Variants in KAT2A observed in about 807,000 individuals in gnomAD.
The protein encoded by KAT2A is histone acetyltransferase KAT2A.
In KAT2A, 42 loss-of-function variants were observed where a neutral mutation model predicts 95.2. The observed-to-expected ratio is 0.44, with a 90% CI of 0.34 to 0.57. The LOEUF (loss-of-function observed/expected upper bound fraction) is 0.57. Among genes scored for constraint, KAT2A ranks in the 20% least tolerant of loss-of-function variants. The pLI, the probability that KAT2A is intolerant of heterozygous loss-of-function variation, is 0.01. For missense variants in KAT2A, 784 were observed against 1,126.3 expected (o/e 0.70, Z 4.35); for synonymous variants, 449 against 448.2 (o/e 1.00, Z -0.02).
chr17:42,121,096 GC>G lies in KAT2A; in HGVS notation c.208del (p.Ala70ProfsTer12), dbSNP rs782561411. The G allele has an allele frequency of 3.9e-6, 6 of 1,537,842 alleles. No homozygotes were observed. The highest frequency in any genetic ancestry group is 3.5e-6 in the Non-Finnish European group (4 of 1,143,248). Reference protein sequence around the residue: ...TGGPGVGSGGAGSGGDPARPG... With the variant: ...TGGPGVGSGGXGSGGDPARPG... ...TCGAGCCGGATCCCCCCCGCTCCCGGCCCCCCCACTTCCTACCCCGGGCCCC... is the reference window on the plus strand; with the variant it reads ...TCGAGCCGGATCCCCCCCGCTCCCGGCCCCCCACTTCCTACCCCGGGCCCC... On this transcript the variant is annotated frameshift_variant, in exon 1 of 18. Transcript: ENST00000225916. LOFTEE classifies it high-confidence loss of function.
At position 42,114,054 on chromosome 17, in the gene KAT2A, G is replaced by C; in HGVS notation, c.2266C>G (p.Pro756Ala). The C allele has an allele frequency of 6.5e-7, 1 of 1,528,006 alleles. No individual in the cohort carries two copies. 94.7% of individuals were successfully genotyped at this position (1,528,006 alleles called of 1,614,324 possible). A position where few individuals can be genotyped will look rare whatever the true frequency, so the allele number is the denominator to read the frequency against. ...TCAGGGGCCTCCGACTTCTTCACAG[G>C]CTCCATGAAGGGCCAGGCACTGGGG... ...SHPSAWPFME[P>A]VKKSEAPDYY... is the part of the protein sequence containing the mutation. The change falls in exon 17 of 18, where the codon CCT (proline) becomes GCT (alanine). Residue 756 changes from proline (P) to alanine (A), a missense_variant. This residue lies in a region of KAT2A where 195 missense variants were observed against 247.1 expected (regional missense o/e 0.79). Transcript: ENST00000225916. The surrounding 1 kb of genome is among the most constrained non-coding windows in gnomAD (Gnocchi z 6.0).
Position 42,121,157 on chromosome 17 carries a change from G to A in KAT2A, c.148C>T (p.Pro50Ser). 1 of 1,457,864 alleles carries A rather than the reference G, an allele frequency of 6.9e-7. No individual in the cohort carries two copies. Among genetic ancestry groups the A allele is most frequent in the Non-Finnish European group, 9.1e-7 (1 of 1,097,436 alleles). The allele number at this position is 1,457,864 out of a possible 1,614,324, so 90.3% of individuals were successfully genotyped here. ...GTGCTGCCGGCTGGGGCTGCAGCTG[G>A]GGCAGGGGCTGGTGCCGGGGTGGGA... ...PTPTPAPAPAPAAAPAGSTGT... is the reference protein window; with the variant it reads ...PTPTPAPAPASAAAPAGSTGT... Residue 50 changes from proline (P) to serine (S), a missense_variant, in exon 1 of 18, where the codon CCA becomes TCA. This residue lies in a region of KAT2A where 142 missense variants were observed against 123.2 expected (regional missense o/e 1.15). Coordinates refer to ENST00000225916, the MANE Select transcript of KAT2A (RefSeq NM_021078.3).
In KAT2A at chr17:42,119,503, A is replaced by G. The variant is rs782600378; in HGVS notation, c.881+34T>C. On this transcript the variant is annotated intron_variant, in intron 5 of 17. Transcript: ENST00000225916. This position sits in a 1 kb window ranked among gnomAD's most constrained non-coding sequence, Gnocchi z 5.3. ...CCACTGAACCCAGGCTGGGCCTGCA[A>G]GCCTCCCCCGAAGCTGCCCCTGGCT... 1 of 1,580,516 alleles carries G rather than the reference A, an allele frequency of 6.3e-7. No homozygotes were observed. Among genetic ancestry groups the G allele is most frequent in the South Asian group, 1.2e-5 (1 of 86,558 alleles).
chr17:42,116,697 G>A (rs1306696154), intron 11 of KAT2A, among the ~76,000 whole-genome samples: 4 of 152,068 alleles, frequency 2.6e-5, no homozygotes, highest in South Asian at 2.1e-4. Context: ...TCTGCACTGC[G>A]GCCTGGGTGA....
Position 42,114,584 on chromosome 17 carries a change from C to A in KAT2A, c.2040G>T (p.Glu680Asp). The change falls in exon 14 of 18, where the codon GAG becomes GAT. Residue 680 changes from glutamate to aspartate, a missense_variant. Physicochemically the swap from Glu to Asp is conservative, Grantham distance 45. This residue lies in a region of KAT2A where 195 missense variants were observed against 247.1 expected (regional missense o/e 0.79). Transcript: ENST00000225916. This position sits in a 1 kb window ranked among gnomAD's most constrained non-coding sequence, Gnocchi z 6.0. ...KQKEIIKKLI[E>D]RKQAQIRKVY... The stretch of plus-strand genomic sequence containing the variant: ...CCTTGCGGATCTGGGCCTGTTTGCG[C>A]TCAATCAGCTTCTTGATGATCTGAG... 1 of 1,613,866 alleles carries A rather than the reference C, an allele frequency of 6.2e-7. No individual in the cohort carries two copies. The highest frequency in any genetic ancestry group is 8.5e-7 in the Non-Finnish European group (1 of 1,179,940).
Position 42,119,199 on chromosome 17 carries a change from G to A in KAT2A, c.1073+46C>T, listed in dbSNP as rs1190287003. The A allele has an allele frequency of 1.2e-5, 19 of 1,562,288 alleles. No individual in the cohort carries two copies. Among genetic ancestry groups the A allele is most frequent in the Non-Finnish European group, 1.7e-5 (19 of 1,150,156 alleles). On this transcript the variant is annotated intron_variant, in intron 6 of 17. Transcript: ENST00000225916. The surrounding 1 kb of genome is among the most constrained non-coding windows in gnomAD (Gnocchi z 5.3). The stretch of plus-strand genomic sequence containing the variant: ...CTGGAAAAAAGGGGACAACAGGGAG[G>A]ATGTGAACTTGGGGCCAAATCCTGG...
rs1555667033 is a variant in KAT2A, at chr17:42,120,313, C to T, written c.521G>A (p.Gly174Glu). 1.2e-6 allele frequency: 2 copies of T among 1,614,218 alleles called. No individual in the cohort carries two copies. The highest frequency in any genetic ancestry group is 2.2e-5 in the South Asian group (2 of 91,086). ...GAGATTCTCCACATCCACCACCATC[C>T]CCAGCAGTCGGTTTATCTCATCCTC... The part of the protein sequence containing the change: ...VSEDEINRLL[G>E]MVVDVENLFM... The change falls in exon 3 of 18, where the codon GGG becomes GAG. Residue 174 changes from glycine to glutamate, a missense_variant. Physicochemically the swap from Gly to Glu is moderately conservative, Grantham distance 98 (BLOSUM62 -2). Transcript: ENST00000225916.
Position 42,119,396 on chromosome 17 carries a change from G to C in KAT2A, c.922C>G (p.Leu308Val). ...YCHVPQSCDS[L>V]PRYETTHVFG... ...ACATGAGTGGTTTCGTAGCGGGGGA[G>C]GCTATCACAGCTCTGGGGCACGTGG... Residue 308 changes from leucine to valine, a missense_variant, in exon 6 of 18, where the codon CTC (leucine) becomes GTC (valine). This residue lies in a region of KAT2A where 208 missense variants were observed against 339.7 expected (regional missense o/e 0.61). Coordinates refer to ENST00000225916, the MANE Select transcript of KAT2A (RefSeq NM_021078.3). This position sits in a 1 kb window ranked among gnomAD's most constrained non-coding sequence, Gnocchi z 5.3. 6.2e-7 allele frequency: 1 copy of C among 1,613,852 alleles called. No individual in the cohort carries two copies. The highest frequency in any genetic ancestry group is 8.5e-7 in the Non-Finnish European group (1 of 1,179,814).
In KAT2A at chr17:42,119,988, C is replaced by G. The variant is rs781798774; in HGVS notation, c.699+42G>C. ...CAGGCTCCCCACTCCTCCAAGCTGT[C>G]CCCAATTCTCCTATCCGCTATCTCC... On this transcript the variant is annotated intron_variant, in intron 4 of 17. Coordinates refer to ENST00000225916, the MANE Select transcript of KAT2A (RefSeq NM_021078.3). This position sits in a 1 kb window ranked among gnomAD's most constrained non-coding sequence, Gnocchi z 5.3. The G allele has an allele frequency of 6.5e-7, 1 of 1,529,958 alleles. No homozygotes were observed. 94.8% of individuals were successfully genotyped at this position (1,529,958 alleles called of 1,614,324 possible).
Position 42,117,553 on chromosome 17 carries a change from C to T in KAT2A, c.1472G>A (p.Arg491His), listed in dbSNP as rs1475561928. 2 of 1,613,194 alleles carry T rather than the reference C, an allele frequency of 1.2e-6. No individual in the cohort carries two copies. The highest frequency in any genetic ancestry group is 1.7e-5 in the Admixed American group (1 of 59,996). ...SANAARDETARLEERRGIIEF... is the reference protein window; with the variant it reads ...SANAARDETAHLEERRGIIEF... Reference sequence around the variant, plus strand: ...GATGATGCCGCGGCGCTCCTCCAGGCGGGCTGTCTCATCCCGGGCCGCATT... The same window carrying T: ...GATGATGCCGCGGCGCTCCTCCAGGTGGGCTGTCTCATCCCGGGCCGCATT... Residue 491 changes from arginine to histidine, a missense_variant, in exon 10 of 18, where the codon CGC becomes CAC. Physicochemically the swap from Arg to His is conservative, Grantham distance 29. Around this residue, in one of 6 missense-constraint regions of KAT2A, gnomAD observed 174 missense variants for 324.9 expected, o/e 0.54. Coordinates refer to ENST00000225916, the MANE Select transcript of KAT2A (RefSeq NM_021078.3). The surrounding 1 kb of genome is among the most constrained non-coding windows in gnomAD (Gnocchi z 8.9).
rs2054302775 is a variant in KAT2A, at chr17:42,119,285, C to T, written c.1033G>A (p.Val345Met). The T allele has an allele frequency of 6.2e-7, 1 of 1,613,718 alleles. No homozygotes were observed. The highest frequency in any genetic ancestry group is 8.5e-7 in the Non-Finnish European group (1 of 1,179,718). Residue 345 changes from valine to methionine, a missense_variant, in exon 6 of 18, where the codon GTG becomes ATG. Around this residue, in one of 6 missense-constraint regions of KAT2A, gnomAD observed 208 missense variants for 339.7 expected, o/e 0.61. Transcript: ENST00000225916. The surrounding 1 kb of genome is among the most constrained non-coding windows in gnomAD (Gnocchi z 5.3). ...EKFRVEKDKLVPEKRTLILTH... is the reference protein window; with the variant it reads ...EKFRVEKDKLMPEKRTLILTH... ...AGGATGAGGGTCCTCTTCTCGGGCA[C>T]CAATTTGTCCTTCTCCACTCGGAAC...
rs1555666847 is a variant in KAT2A at position 42,119,525 on chromosome 17, G to A, written c.881+12C>T. 1 of 1,584,856 alleles carries A rather than the reference G, an allele frequency of 6.3e-7. No homozygotes were observed. The highest frequency in any genetic ancestry group is 8.6e-7 in the Non-Finnish European group (1 of 1,162,354). On this transcript the variant is annotated intron_variant, in intron 5 of 17. Transcript: ENST00000225916. The surrounding 1 kb of genome is among the most constrained non-coding windows in gnomAD (Gnocchi z 5.3). ...GCAAGCCTCCCCCGAAGCTGCCCCTGGCTGGGCCTACCTGGTGTAATTGAC... is the reference window on the plus strand; with the variant it reads ...GCAAGCCTCCCCCGAAGCTGCCCCTAGCTGGGCCTACCTGGTGTAATTGAC...
At chr17:42,115,920 AT>A in intron 11 of KAT2A, 87 bp from the exon 12 acceptor site, 1 of 804,722 alleles carries the variant, frequency 1.2e-6, no homozygotes, top group Non-Finnish European at 2.2e-6. Flanking sequence ...GAGCGGGTAG[AT>A]TGGAAAGGAG....
Position 42,120,964 on chromosome 17 carries a change from AC to A in KAT2A, c.339+1del, listed in dbSNP as rs2054328603. The A allele has an allele frequency of 1.0e-6, 1 of 962,706 alleles. No homozygotes were observed. Among genetic ancestry groups the A allele is most frequent in the Non-Finnish European group, 1.4e-6 (1 of 697,938 alleles). 59.6% of individuals were successfully genotyped at this position (962,706 alleles called of 1,614,324 possible). On this transcript the variant is annotated splice_donor_variant, in intron 1 of 17. Coordinates refer to ENST00000225916, the MANE Select transcript of KAT2A (RefSeq NM_021078.3). LOFTEE classifies it high-confidence loss of function. Reference sequence around the variant, plus strand: ...CCCCTTCACCCCAGGCCCCGCCCCCACCTTGCAAGCCGAGAAGACCCCTAGC... The same window carrying A: ...CCCCTTCACCCCAGGCCCCGCCCCCACTTGCAAGCCGAGAAGACCCCTAGC...
intron 11 of KAT2A, among the ~76,000 whole-genome samples, chr17:42,116,377 G>T (rs781958972): frequency 3.3e-5 from 5 of 152,212 alleles, no homozygotes; most frequent in Non-Finnish European, 5.9e-5. Context: ...TGGGTCTGTT[G>T]TAACAAAGGA....
intron 11 of KAT2A, among the ~76,000 whole-genome samples, chr17:42,116,231 C>T (rs1189859435): frequency 1.3e-5 from 2 of 151,716 alleles, no homozygotes; most frequent in Non-Finnish European, 2.9e-5. Context: ...AGTCCCTGGG[C>T]CTCAGAGTTG....
At chr17:42,120,603 G>A in intron 2 of KAT2A, 103 bp downstream of exon 2, 3 of 1,497,424 alleles carry the variant, frequency 2.0e-6, no homozygotes, top group Admixed American at 1.8e-5. Context: ...CCTCCTTCGA[G>A]GCATCTTTGA....
rs1555667399 is a variant in KAT2A, at chr17:42,121,337, T to G, written c.-33A>C. The G allele has an allele frequency of 7.3e-7, 1 of 1,363,954 alleles. No individual in the cohort carries two copies. Among genetic ancestry groups the G allele is most frequent in the Non-Finnish European group, 9.4e-7 (1 of 1,065,850 alleles). The allele number at this position is 1,363,954 out of a possible 1,614,324, so 84.5% of individuals were successfully genotyped here. A position where few individuals can be genotyped will look rare whatever the true frequency, so the allele number is the denominator to read the frequency against. ...CCCGCAGCGGAGAGCGGCGCCGCGC[T>G]CCCAGCCCTAGGGCCGCATGGGCAA... On this transcript the variant is annotated 5_prime_UTR_variant, in exon 1 of 18. Coordinates refer to ENST00000225916, the MANE Select transcript of KAT2A (RefSeq NM_021078.3).
rs377281194 is a variant in KAT2A, at chr17:42,119,223, G to C, written c.1073+22C>G. The C allele has an allele frequency of 7.5e-5, 118 of 1,581,494 alleles. No individual in the cohort carries two copies. The highest frequency in any genetic ancestry group is 1.3e-5 in the Non-Finnish European group (15 of 1,160,176). On this transcript the variant is annotated intron_variant, in intron 6 of 17. Coordinates refer to ENST00000225916, the MANE Select transcript of KAT2A (RefSeq NM_021078.3). The surrounding 1 kb of genome is among the most constrained non-coding windows in gnomAD (Gnocchi z 5.3). ...GGATGTGAACTTGGGGCCAAATCCT[G>C]GTAGGCCAGAAGGAGCCTTACTTGG...
Sources: gnomAD v4.1 joint callset for allele counts (sites outside exome capture counted in the v4.1 genomes callset) on GRCh38, gnomAD v4.1.1 for gene constraint, gnomAD v4.1.1 regional missense constraint, Gnocchi (gnomAD v3.1) non-coding constraint, MANE v1.5 for transcripts, NCBI Gene and HGNC (gene_info 2026-07-23, HGNC 2026-07-21) for gene names.